Variants in ADCY2 observed in about 807,000 individuals in gnomAD.
ADCY2 encodes the protein adenylate cyclase 2.
ADCY2 carries 31 observed loss-of-function variants against 125.2 expected under a neutral mutation model. The ratio of observed to expected loss-of-function variants is 0.25; its 90% confidence interval spans 0.19 to 0.33. The LOEUF is 0.33. ADCY2 is among the 10% of genes least tolerant of loss of function. The pLI is 1.00. For missense variants in ADCY2, 904 were observed against 1,418.2 expected (o/e 0.64, Z 5.82); for synonymous variants, 512 against 548.4 (o/e 0.93, Z 0.93).
intron 2 of ADCY2, among the ~76,000 whole-genome samples, chr5:7,448,483 TC>T (rs939879133): frequency 2.0e-5 from 3 of 152,098 alleles, no homozygotes; most frequent in Non-Finnish European, 4.4e-5. Flanking sequence ...TTTTTTTTTT[TC>T]ATCAACTTTT....
intron 3 of ADCY2, among the ~76,000 whole-genome samples, chr5:7,582,841 T>G (rs997672667): frequency 1.3e-5 from 2 of 152,096 alleles, no homozygotes; most frequent in Non-Finnish European, 2.9e-5. Context: ...ATTTAATATT[T>G]ACTGCAGGGC....
intron 22 of ADCY2, among the ~76,000 whole-genome samples, chr5:7,810,306 C>T (rs1744894821): frequency 6.6e-6 from 1 of 151,690 alleles, no homozygotes; most frequent in African/African-American, 2.4e-5. Flanking sequence ...GGTTATCTAC[C>T]TGATTGGTGG....
chr5:7,767,786 T>G (rs1743433192), intron 17 of ADCY2, among the ~76,000 whole-genome samples: 1 of 152,074 alleles, frequency 6.6e-6, no homozygotes, highest in African/African-American at 2.4e-5. Context: ...ATCTCAGCAC[T>G]TTGGGAGTCC....
At chr5:7,821,914 A>G (rs1032276486) in intron 24 of ADCY2, among the ~76,000 whole-genome samples, 1 of 152,188 alleles carries the variant, frequency 6.6e-6, no homozygotes, top group Non-Finnish European at 1.5e-5. Context: ...ACCAGTGAAA[A>G]TAAAGGTGGT....
Position 7,790,111 on chromosome 5 carries a change from A to G in ADCY2, c.2628+311A>G, listed in dbSNP as rs1744207569. 3.9e-5 allele frequency among the ~76,000 whole-genome samples: 6 copies of G among 152,312 alleles called. No individual in the cohort carries two copies. The South Asian group carries it at 1.0e-3, about 26-fold the overall frequency. Reference sequence around the variant, plus strand: ...TTTATGAGGCACTAGGATCCCAAATATGCCTCCAAAGAAGCCACTGCTCTC... The same window carrying G: ...TTTATGAGGCACTAGGATCCCAAATGTGCCTCCAAAGAAGCCACTGCTCTC... On this transcript the variant is annotated intron_variant, in intron 20 of 24. Transcript: ENST00000338316.
intron 3 of ADCY2, among the ~76,000 whole-genome samples, chr5:7,581,052 G>A (rs991660430): frequency 6.6e-6 from 1 of 152,184 alleles, no homozygotes; most frequent in African/African-American, 2.4e-5. Flanking sequence ...CAGCAGACGT[G>A]AACTGTATGA....
intron 4 of ADCY2, among the ~76,000 whole-genome samples, chr5:7,650,503 T>G (rs367983770): frequency 2.0e-5 from 3 of 152,062 alleles, no homozygotes; most frequent in Non-Finnish European, 4.4e-5. Context: ...ATAAGTGGAA[T>G]GTAGATTTGA....
chr5:7,813,329 G>A (rs1745001372), intron 22 of ADCY2, among the ~76,000 whole-genome samples: 1 of 152,172 alleles, frequency 6.6e-6, no homozygotes, highest in South Asian at 2.1e-4. Context: ...AGAAGAGGAA[G>A]GTTATGTTTA....
chr5:7,709,027 A>T lies in ADCY2; in HGVS notation c.1402-184A>T, dbSNP rs906935373. 6.6e-6 allele frequency among the ~76,000 whole-genome samples: 1 copy of T among 152,136 alleles called. No homozygotes were observed. Among genetic ancestry groups the T allele is most frequent in the African/African-American group, 2.4e-5 (1 of 41,434 alleles). ...ATTACATGTATGTTTTGCTAGCTGA[A>T]AAAAGATTCCCTCAACTCAAATAGT... On this transcript the variant is annotated intron_variant, in intron 9 of 24. Coordinates refer to ENST00000338316, the MANE Select transcript of ADCY2 (RefSeq NM_020546.3). The surrounding 1 kb of genome is among the most constrained non-coding windows in gnomAD (Gnocchi z 4.4).
At chr5:7,534,819 C>G (rs1413521454) in intron 3 of ADCY2, among the ~76,000 whole-genome samples, 1 of 152,186 alleles carries the variant, frequency 6.6e-6, no homozygotes, top group Admixed American at 6.5e-5. Context: ...AATCACTGAT[C>G]AGAAGATAAA....
chr5:7,576,689 A>C (rs1311096210), intron 3 of ADCY2, among the ~76,000 whole-genome samples: 1 of 152,166 alleles, frequency 6.6e-6, no homozygotes, highest in Admixed American at 6.6e-5. Context: ...TATGAAACTG[A>C]GGCTCAGATA....
chr5:7,602,473 GGGCAGCCTCACTCTT>G (rs1246001757), intron 3 of ADCY2, among the ~76,000 whole-genome samples: 5 of 152,132 alleles, frequency 3.3e-5, no homozygotes, highest in African/African-American at 1.2e-4. Flanking sequence ...TTCATGCACA[GGGCAGCCTCACTCTT>G]ACCTTTCAAC....
intron 3 of ADCY2, among the ~76,000 whole-genome samples, chr5:7,602,419 C>G (rs1383238026): frequency 3.3e-5 from 5 of 152,168 alleles, no homozygotes; most frequent in Admixed American, 3.3e-4. Context: ...TCCAGGATGT[C>G]TTTCCCATTT....
intron 2 of ADCY2, among the ~76,000 whole-genome samples, chr5:7,458,484 T>G (rs766063122): frequency 6.6e-6 from 1 of 152,196 alleles, no homozygotes; most frequent in Non-Finnish European, 1.5e-5. Flanking sequence ...TGCTCTTTTA[T>G]TTTTCCCTCC....
At chr5:7,507,385 G>A (rs1743869999) in intron 2 of ADCY2, among the ~76,000 whole-genome samples, 1 of 125,832 alleles carries the variant, frequency 7.9e-6, no homozygotes, top group Non-Finnish European at 1.7e-5. Context: ...AGCTTGCAGT[G>A]AGCCGAGATC....
At chr5:7,584,369 CAG>C (rs762837586) in intron 3 of ADCY2, among the ~76,000 whole-genome samples, 4 of 151,970 alleles carry the variant, frequency 2.6e-5, no homozygotes, top group Non-Finnish European at 5.9e-5. Context: ...AAAAACATGA[CAG>C]AACACTTCAT....
intron 22 of ADCY2, among the ~76,000 whole-genome samples, chr5:7,814,930 G>T (rs948314356): frequency 1.3e-5 from 2 of 151,980 alleles, no homozygotes; most frequent in Non-Finnish European, 2.9e-5. Flanking sequence ...GTTTTCCAGC[G>T]TGCCTTGCTG....
At chr5:7,515,175 C>A (rs1744209889) in intron 2 of ADCY2, among the ~76,000 whole-genome samples, 1 of 152,208 alleles carries the variant, frequency 6.6e-6, no homozygotes, top group South Asian at 2.1e-4. Context: ...ATCTCATTAG[C>A]ACAAGGAGCT....
intron 1 of ADCY2, among the ~76,000 whole-genome samples, chr5:7,402,666 ATC>A (rs1739308993): frequency 6.6e-6 from 1 of 152,238 alleles, no homozygotes; most frequent in African/African-American, 2.4e-5. Context: ...GGCAGATTGT[ATC>A]TCAGAGTTGA....
Sources: allele counts gnomAD v4.1 joint callset (sites outside exome capture counted in the v4.1 genomes callset), GRCh38; gene constraint gnomAD v4.1.1; non-coding constraint Gnocchi (gnomAD v3.1); transcripts MANE v1.5; gene names NCBI Gene and HGNC (gene_info 2026-07-23, HGNC 2026-07-21).